EXT2: variants seen among roughly 807,000 people sequenced by gnomAD.
The protein encoded by EXT2 is exostosin glycosyltransferase 2.
EXT2 carries 53 observed loss-of-function variants against 81.6 expected under a neutral mutation model. The ratio of observed to expected loss-of-function variants is 0.65; its 90% CI spans 0.52 to 0.82. EXT2 has a LOEUF of 0.82. Ranked by LOEUF, EXT2 falls within the 40% of genes least tolerant of loss-of-function variation. The pLI is 0.00. For synonymous variants in EXT2, 320 were observed against 340.0 expected, an observed-to-expected ratio of 0.94 and a Z score of 0.65; for missense variants, 774 against 910.2, an observed-to-expected ratio of 0.85 and a Z score of 1.93.
chr11:44,141,112 G>A (rs776833143), intron 7 of EXT2, among the ~76,000 whole-genome samples: 31 of 152,104 alleles, frequency 2.0e-4, no homozygotes, highest in Admixed American at 3.9e-4. Flanking sequence ...AGAACTCAAG[G>A]ATGCTCAAGT....
chr11:44,232,291 C>G, intron 10 of EXT2, 62 bp from the exon 11 acceptor site: 1 of 1,606,262 alleles, frequency 6.2e-7, no homozygotes, highest in East Asian at 2.2e-5. Context: ...GTTTGGATAA[C>G]TCAGCACTGA....
At chr11:44,230,272 G>A (rs987097246) in intron 10 of EXT2, among the ~76,000 whole-genome samples, 1 of 152,214 alleles carries the variant, frequency 6.6e-6, no homozygotes, top group African/African-American at 2.4e-5. Flanking sequence ...ACTGGAGAGT[G>A]AGGGGACATG....
At chr11:44,147,841 A>C (rs1365516009) in intron 7 of EXT2, among the ~76,000 whole-genome samples, 2 of 108,088 alleles carry the variant, frequency 1.9e-5, no homozygotes. Context: ...ATATTTTTGG[A>C]CCTGAGAGAG....
chr11:44,124,609 T>C (rs576371232), intron 4 of EXT2, among the ~76,000 whole-genome samples, 180 bp from the exon 5 acceptor site: 1 of 152,270 alleles, frequency 6.6e-6, no homozygotes, highest in South Asian at 2.1e-4. Flanking sequence ...ATATCTTACT[T>C]TCTCACAATA....
intron 8 of EXT2, among the ~76,000 whole-genome samples, chr11:44,177,955 G>A (rs527718171): frequency 1.4e-3 from 209 of 152,332 alleles, no homozygotes; most frequent in Non-Finnish European, 2.4e-3. Context: ...TCTAGCCAGA[G>A]TGGCAACTTC....
At chr11:44,150,613 A>T (rs551346203) in intron 7 of EXT2, among the ~76,000 whole-genome samples, 62 of 152,338 alleles carry the variant, frequency 4.1e-4, no homozygotes, top group African/African-American at 1.4e-3. Context: ...CCTCTGGAAC[A>T]ACACAGCTTA....
intron 7 of EXT2, among the ~76,000 whole-genome samples, chr11:44,130,565 C>T (rs911656738): frequency 6.6e-6 from 1 of 152,152 alleles, no homozygotes; most frequent in African/African-American, 2.4e-5. Context: ...TTCGGGAATC[C>T]TTCCCTCTCT....
At chr11:44,209,047 T>A (rs1241633846) in intron 10 of EXT2, among the ~76,000 whole-genome samples, 1 of 152,226 alleles carries the variant, frequency 6.6e-6, no homozygotes, top group Non-Finnish European at 1.5e-5. Context: ...ACTGACCAAT[T>A]TATGATGATT....
chr11:44,149,111 C>T lies in EXT2; in HGVS notation c.1173+18973C>T, dbSNP rs1954758777. 2.6e-5 allele frequency among the ~76,000 whole-genome samples: 4 copies of T among 152,092 alleles called. No homozygotes were observed. In the South Asian group the frequency reaches 8.3e-4, roughly 32 times the overall value. On this transcript the variant is annotated intron_variant, in intron 7 of 13. Transcript: ENST00000533608. The stretch of plus-strand genomic sequence containing the variant: ...GTGCAGTAGCTCAGGCCTGTAATCC[C>T]AGCACTTTGGGAGGTGGAGGCAACA...
chr11:44,175,884 G>T (rs1955151253), intron 8 of EXT2, among the ~76,000 whole-genome samples: 1 of 152,104 alleles, frequency 6.6e-6, no homozygotes, highest in Non-Finnish European at 1.5e-5. Context: ...AGGGAAAGTG[G>T]TAGATTGTTT....
intron 10 of EXT2, among the ~76,000 whole-genome samples, chr11:44,216,320 C>T (rs1955718888): frequency 6.6e-6 from 1 of 152,184 alleles, no homozygotes; most frequent in Non-Finnish European, 1.5e-5. Context: ...ATCAGAAGTA[C>T]AGGCAGATCT....
chr11:44,177,899 C>A (rs1955181173), intron 8 of EXT2, among the ~76,000 whole-genome samples: 1 of 151,970 alleles, frequency 6.6e-6, no homozygotes, highest in Non-Finnish European at 1.5e-5. Flanking sequence ...AATTATTATA[C>A]CCAGAATAAG....
chr11:44,104,688 AG>A (rs1954030086), intron 1 of EXT2: 1 of 152,266 alleles, frequency 6.6e-6, no homozygotes, highest in Non-Finnish European at 1.5e-5. Context: ...AACATGGGCC[AG>A]CGGAGGGCAG....
chr11:44,124,840 C>T lies in EXT2; in HGVS notation c.795C>T (p.Tyr265=), dbSNP rs762073822. 2.5e-6 allele frequency: 4 copies of T among 1,614,098 alleles called. No homozygotes were observed. In the South Asian group the frequency reaches 4.4e-5, roughly 18 times the overall value. ...LSSQVGLHPE[Y]REDLEALQVK... The stretch of plus-strand genomic sequence containing the variant: ...CTCAGGTGGGTCTCCATCCTGAGTA[C>T]AGAGAGGACCTAGAAGCCCTCCAGG... The change falls in exon 5 of 14, where the codon TAC becomes TAT. Residue 265 remains tyrosine (Y), a synonymous_variant. Coordinates refer to ENST00000533608, the MANE Select transcript of EXT2 (RefSeq NM_207122.2).
intron 10 of EXT2, among the ~76,000 whole-genome samples, chr11:44,222,996 T>C (rs977106689): frequency 6.6e-6 from 1 of 152,218 alleles, no homozygotes; most frequent in Non-Finnish European, 1.5e-5. Context: ...GACCTTGCAC[T>C]GAAGAGGATA....
At chr11:44,115,036 G>A (rs116956632) in intron 4 of EXT2, among the ~76,000 whole-genome samples, 1,682 of 152,156 alleles carry the variant, frequency 0.011, 10 homozygotes, top group South Asian at 0.036. Flanking sequence ...GGGTGGAGGG[G>A]GTACCTTCTT....
intron 9 of EXT2, among the ~76,000 whole-genome samples, chr11:44,205,740 G>T (rs1955574898): frequency 6.6e-6 from 1 of 152,260 alleles, no homozygotes; most frequent in Middle Eastern, 3.4e-3. Context: ...GGTGACTTTG[G>T]AGTGGCCAGG....
intron 7 of EXT2, among the ~76,000 whole-genome samples, chr11:44,158,600 TTAA>T (rs919780371): frequency 1.5e-4 from 23 of 150,776 alleles, no homozygotes; most frequent in Admixed American, 1.3e-3. Context: ...TTATTAAAAA[TTAA>T]TAAATTGATT....
chr11:44,177,046 TCCA>T, intron 8 of EXT2, among the ~76,000 whole-genome samples: 1 of 152,118 alleles, frequency 6.6e-6, no homozygotes, highest in Non-Finnish European at 1.5e-5. Context: ...GATGACATTA[TCCA>T]CGTTGCACCA....
Sources: gnomAD v4.1 joint callset for allele counts (sites outside exome capture counted in the v4.1 genomes callset) on GRCh38, gnomAD v4.1.1 for gene constraint, MANE v1.5 for transcripts, NCBI Gene and HGNC (gene_info 2026-07-23, HGNC 2026-07-21) for gene names.